VDAC1: variants seen among roughly 807,000 people sequenced by gnomAD.
The protein encoded by VDAC1 is voltage dependent anion channel 1.
A neutral mutation model predicts 34.7 loss-of-function variants in VDAC1; 10 were observed. The ratio of observed to expected loss-of-function variants is 0.29; its 90% confidence interval spans 0.18 to 0.49. The LOEUF is 0.49. Among genes scored for constraint, VDAC1 ranks in the 20% least tolerant of loss-of-function variants. The pLI is 0.99. For synonymous variants in VDAC1, 130 were observed against 136.0 expected (o/e 0.96, Z 0.30); for missense variants, 230 against 347.9 (o/e 0.66, Z 2.69).
At chr5:134,025,295 A>G in the VDAC1 span, among the ~76,000 whole-genome samples, 2 of 152,082 alleles carry the variant, frequency 1.3e-5, no homozygotes, top group Non-Finnish European at 2.9e-5. Context: ...GGTCTCTTTT[A>G]AGCAATCAGA....
chr5:134,056,931 C>G, the VDAC1 span, among the ~76,000 whole-genome samples: 52 of 152,240 alleles, frequency 3.4e-4, no homozygotes, highest in African/African-American at 1.1e-3. Context: ...TCCGCTCCCC[C>G]CTCTCCACCA....
At chr5:133,986,311 A>G (rs1197985506) in intron 5 of VDAC1, among the ~76,000 whole-genome samples, 4 of 152,158 alleles carry the variant, frequency 2.6e-5, no homozygotes, top group African/African-American at 7.2e-5. Context: ...TTGGAAAGCC[A>G]GCTTTCGTTT....
At chr5:134,088,856 T>C in the VDAC1 span, among the ~76,000 whole-genome samples, 2 of 152,166 alleles carry the variant, frequency 1.3e-5, no homozygotes, top group Non-Finnish European at 2.9e-5. Context: ...CCTAACACCA[T>C]GGAATAGACT....
At chr5:134,016,690 T>C in the VDAC1 span, among the ~76,000 whole-genome samples, 1 of 152,088 alleles carries the variant, frequency 6.6e-6, no homozygotes, top group South Asian at 2.1e-4. Context: ...ACAGGGAGCA[T>C]GAAAAATAGA....
the VDAC1 span, among the ~76,000 whole-genome samples, chr5:134,063,487 A>G: frequency 6.6e-6 from 1 of 152,248 alleles, no homozygotes; most frequent in Non-Finnish European, 1.5e-5. Flanking sequence ...AATTTGGCCA[A>G]TGAGACATTA....
chr5:134,049,989 G>A, the VDAC1 span, among the ~76,000 whole-genome samples: 5 of 152,108 alleles, frequency 3.3e-5, no homozygotes, highest in East Asian at 1.9e-4. Context: ...GGTGGCTCAC[G>A]CCTGTAACCC....
chr5:134,047,151 G>A, the VDAC1 span, among the ~76,000 whole-genome samples: 7 of 152,080 alleles, frequency 4.6e-5, no homozygotes, highest in Non-Finnish European at 1.0e-4. Context: ...TCACTTTCCT[G>A]GAAACTCCCC....
the VDAC1 span, among the ~76,000 whole-genome samples, chr5:134,040,202 G>A: frequency 2.6e-5 from 4 of 152,218 alleles, no homozygotes; most frequent in Non-Finnish European, 5.9e-5. Flanking sequence ...AGGCCAAGAC[G>A]GGTGGATCAC....
chr5:134,046,614 T>C, the VDAC1 span, among the ~76,000 whole-genome samples: 328 of 152,294 alleles, frequency 2.2e-3, no homozygotes, highest in African/African-American at 7.1e-3. Context: ...ACACCAGAAA[T>C]GGAGGAAAAT....
chr5:134,024,085 G>A, the VDAC1 span, among the ~76,000 whole-genome samples: 1 of 151,978 alleles, frequency 6.6e-6, no homozygotes, highest in Non-Finnish European at 1.5e-5. Flanking sequence ...AGAGGTTGCA[G>A]TGAGCTGAGA....
At chr5:134,072,058 G>T in the VDAC1 span, among the ~76,000 whole-genome samples, 1 of 152,138 alleles carries the variant, frequency 6.6e-6, no homozygotes, top group Non-Finnish European at 1.5e-5. Context: ...ATGCAAAGGG[G>T]TTCTCAAGTA....
At chr5:134,041,677 C>CT in the VDAC1 span, among the ~76,000 whole-genome samples, 213 of 152,324 alleles carry the variant, frequency 1.4e-3, 1 homozygote, top group African/African-American at 4.4e-3. Context: ...TAACATCACA[C>CT]AGCAAGGGGC....
chr5:134,077,285 A>AT, the VDAC1 span, among the ~76,000 whole-genome samples: 1 of 151,902 alleles, frequency 6.6e-6, no homozygotes, highest in Non-Finnish European at 1.5e-5. Flanking sequence ...TCAAAAAAAA[A>AT]AAAAAAAAAA....
the VDAC1 span, among the ~76,000 whole-genome samples, chr5:134,110,807 A>G: frequency 3.3e-5 from 5 of 152,248 alleles, no homozygotes; most frequent in Admixed American, 2.0e-4. Context: ...TCCCTGTCAG[A>G]AAAGGTCAGA....
chr5:134,030,917 T>C, the VDAC1 span, among the ~76,000 whole-genome samples: 29,090 of 152,094 alleles, frequency 0.19, 3,125 homozygotes, highest in East Asian at 0.44. Flanking sequence ...CCAGCCTCTC[T>C]GCAGCTTTCT....
the VDAC1 span, among the ~76,000 whole-genome samples, chr5:134,061,834 T>C: frequency 1.3e-4 from 19 of 151,998 alleles, 1 homozygote; most frequent in African/African-American, 4.6e-4. Context: ...AGGTAGATTT[T>C]CCTCATGTCA....
At chr5:134,075,312 A>ACACTATTCG in the VDAC1 span, among the ~76,000 whole-genome samples, 1 of 122,596 alleles carries the variant, frequency 8.2e-6, no homozygotes, top group African/African-American at 3.2e-5. Flanking sequence ...CACACTATTC[A>ACACTATTCG]CACTGCAATT....
chr5:134,033,259 G>C, the VDAC1 span, among the ~76,000 whole-genome samples: 1 of 150,188 alleles, frequency 6.7e-6, no homozygotes, highest in Admixed American at 6.7e-5. Context: ...CCGGGTTCAA[G>C]CGGTTCTCTT....
At chr5:134,083,291 C>T in the VDAC1 span, among the ~76,000 whole-genome samples, 1 of 150,496 alleles carries the variant, frequency 6.6e-6, no homozygotes, top group Admixed American at 6.7e-5. Context: ...TGGGTTCAAG[C>T]GATTCTCGTG....
Sources: gnomAD v4.1 joint callset for allele counts (sites outside exome capture counted in the v4.1 genomes callset) on GRCh38, gnomAD v4.1.1 for gene constraint, MANE v1.5 for transcripts, NCBI Gene and HGNC (gene_info 2026-07-23, HGNC 2026-07-21) for gene names.